PRKG2: variants seen among roughly 807,000 people sequenced by gnomAD.
PRKG2 encodes the protein protein kinase cGMP-dependent 2, also known as cGMP-dependent protein kinase 2.
A neutral mutation model predicts 97.2 loss-of-function variants in PRKG2; 33 were observed. That is an observed-to-expected ratio of 0.34 (90% confidence interval 0.26 to 0.45). PRKG2 has a LOEUF of 0.45. PRKG2 is among the 20% of genes least tolerant of loss of function. PRKG2 has a pLI of 1.00. For synonymous variants in PRKG2, 330 were observed against 321.8 expected, an observed-to-expected ratio of 1.03 and a Z score of -0.27; for missense variants, 638 against 900.0, an observed-to-expected ratio of 0.71 and a Z score of 3.73.
At chr4:81,137,080 G>C (rs567626752) in intron 13 of PRKG2, among the ~76,000 whole-genome samples, 4 of 144,550 alleles carry the variant, frequency 2.8e-5, no homozygotes, top group African/African-American at 1.0e-4. Context: ...CACTGCTTCT[G>C]CTAGGAGATT....
chr4:81,186,542 C>G (rs530010260), intron 2 of PRKG2, among the ~76,000 whole-genome samples: 2 of 151,998 alleles, frequency 1.3e-5, no homozygotes, highest in Non-Finnish European at 2.9e-5. Flanking sequence ...AATTGACACC[C>G]TAACATCACA....
chr4:81,193,236 T>A (rs1752699366), intron 2 of PRKG2: 1 of 152,128 alleles, frequency 6.6e-6, no homozygotes, highest in African/African-American at 2.4e-5. Flanking sequence ...TTAGAAAACA[T>A]ATGGTAAGGC....
chr4:81,101,716 TAA>T (rs70956091), intron 17 of PRKG2, among the ~76,000 whole-genome samples: 85 of 102,660 alleles, frequency 8.3e-4, no homozygotes, highest in African/African-American at 2.3e-3. Context: ...TAAAATATAA[TAA>T]AAAAAAAGAA....
intron 14 of PRKG2, among the ~76,000 whole-genome samples, chr4:81,131,728 C>T (rs1746196994): frequency 1.3e-5 from 2 of 152,198 alleles, no homozygotes; most frequent in Admixed American, 6.5e-5. Context: ...GTTGTTTCAG[C>T]AATGTTTTTT....
chr4:81,135,411 G>C, intron 13 of PRKG2, 115 bp from the exon 14 acceptor site: 1 of 1,084,658 alleles, frequency 9.2e-7, no homozygotes, highest in East Asian at 2.6e-5. Context: ...ATTTTGCAGG[G>C]TATCAACAAT....
At chr4:81,124,180 T>C (rs1745332793) in intron 14 of PRKG2, among the ~76,000 whole-genome samples, 1 of 152,222 alleles carries the variant, frequency 6.6e-6, no homozygotes, top group African/African-American at 2.4e-5. Context: ...TGAAAGACAG[T>C]TTCCCTGGAC....
Position 81,105,801 on chromosome 4 carries a change from T to C in PRKG2, c.2063+12A>G, listed in dbSNP as rs1029681791. On this transcript the variant is annotated intron_variant, in intron 16 of 18. Coordinates refer to ENST00000264399, the MANE Select transcript of PRKG2 (RefSeq NM_006259.3). Reference sequence around the variant, plus strand: ...TTCTTCAAGACAAGGGGTTACTGACTGTCATTCTCACCTGCAAAGCCTCCG... The same window carrying C: ...TTCTTCAAGACAAGGGGTTACTGACCGTCATTCTCACCTGCAAAGCCTCCG... The C allele has an allele frequency of 6.2e-7, 1 of 1,613,522 alleles. No individual in the cohort carries two copies. Among genetic ancestry groups the C allele is most frequent in the Admixed American group, 1.7e-5 (1 of 59,996 alleles).
chr4:81,158,611 T>A (rs1179719043), intron 6 of PRKG2, among the ~76,000 whole-genome samples: 3 of 151,974 alleles, frequency 2.0e-5, no homozygotes, highest in Non-Finnish European at 4.4e-5. Flanking sequence ...AAACTTCATA[T>A]GGAACCAAAA....
chr4:81,204,277 A>T (rs1470262446), intron 2 of PRKG2, among the ~76,000 whole-genome samples: 1 of 151,908 alleles, frequency 6.6e-6, no homozygotes, highest in Non-Finnish European at 1.5e-5. Flanking sequence ...TACATTTTTA[A>T]GTTCACTCCT....
chr4:81,107,897 T>C (rs1190155969), intron 15 of PRKG2, among the ~76,000 whole-genome samples: 4 of 152,146 alleles, frequency 2.6e-5, no homozygotes, highest in Non-Finnish European at 5.9e-5. Flanking sequence ...TTAACTCATA[T>C]ACTTTGCTTT....
At chr4:81,153,100 A>G (rs1748578940) in intron 7 of PRKG2, among the ~76,000 whole-genome samples, 1 of 152,232 alleles carries the variant, frequency 6.6e-6, no homozygotes, top group Non-Finnish European at 1.5e-5. Flanking sequence ...TCCATTCAAT[A>G]TCTAGGTAAA....
chr4:81,105,731 C>G, intron 16 of PRKG2, 82 bp downstream of exon 16: 1 of 1,529,614 alleles, frequency 6.5e-7, no homozygotes. Flanking sequence ...TAAATATGCA[C>G]CTAATTTTAA....
chr4:81,166,085 A>T (rs183652155), intron 6 of PRKG2, among the ~76,000 whole-genome samples: 4 of 152,268 alleles, frequency 2.6e-5, no homozygotes, highest in Non-Finnish European at 2.9e-5. Context: ...ATGACTTCAT[A>T]TCTGAACCCC....
chr4:81,166,120 T>C (rs1749963640), intron 6 of PRKG2, among the ~76,000 whole-genome samples: 1 of 152,154 alleles, frequency 6.6e-6, no homozygotes, highest in South Asian at 2.1e-4. Flanking sequence ...CCAGGCACTG[T>C]GTCATCATGG....
At chr4:81,186,662 C>CA (rs968601381) in intron 2 of PRKG2, among the ~76,000 whole-genome samples, 18 of 151,550 alleles carry the variant, frequency 1.2e-4, no homozygotes, top group African/African-American at 3.4e-4. Context: ...AAAAACCCTT[C>CA]AAAAAAAATC....
At chr4:81,101,663 A>C (rs1190249127) in intron 17 of PRKG2, among the ~76,000 whole-genome samples, 1 of 151,860 alleles carries the variant, frequency 6.6e-6, no homozygotes, top group Non-Finnish European at 1.5e-5. Flanking sequence ...ACATGTATAC[A>C]TATGTAACTA....
At chr4:81,105,781 C>A (rs1285511115) in intron 16 of PRKG2, 32 bp downstream of exon 16, 1 of 1,608,108 alleles carries the variant, frequency 6.2e-7, no homozygotes, top group Admixed American at 1.7e-5. Context: ...AGACTTTCTT[C>A]AAGACAAGGG....
intron 4 of PRKG2, among the ~76,000 whole-genome samples, chr4:81,170,840 T>C (rs928467662): frequency 1.4e-4 from 21 of 152,256 alleles, no homozygotes; most frequent in Admixed American, 1.1e-3. Context: ...GCTTATAATA[T>C]GGTCAGAACC....
At chr4:81,179,970 T>C (rs148080233) in intron 2 of PRKG2, among the ~76,000 whole-genome samples, 9 of 151,830 alleles carry the variant, frequency 5.9e-5, no homozygotes, top group African/African-American at 2.2e-4. Context: ...CCATCTCTAC[T>C]AAAAACACAA....
Sources: allele counts gnomAD v4.1 joint callset (sites outside exome capture counted in the v4.1 genomes callset), GRCh38; gene constraint gnomAD v4.1.1; transcripts MANE v1.5; gene names NCBI Gene and HGNC (gene_info 2026-07-23, HGNC 2026-07-21).